IMMP2L: variants seen among roughly 807,000 people sequenced by gnomAD.
IMMP2L encodes inner mitochondrial membrane peptidase subunit 2, also known as mitochondrial inner membrane protease subunit 2.
Under a neutral mutation model 19.3 loss-of-function variants are expected in IMMP2L, and 18 were observed. The observed-to-expected ratio is 0.93, with a 90% CI of 0.64 to 1.38. The LOEUF (loss-of-function observed/expected upper bound fraction) is 1.38, where lower values mean the gene tolerates loss of function less well. Among genes scored for constraint, IMMP2L ranks in the 40% most tolerant of loss-of-function variants. The probability of loss-of-function intolerance (pLI) is 0.00; values close to 1 mark genes in which losing one functional copy is unlikely to be tolerated. For missense variants in IMMP2L, 233 were observed against 218.2 expected, an observed-to-expected ratio of 1.07 and a Z score of -0.43; for synonymous variants, 76 against 73.0, an observed-to-expected ratio of 1.04 and a Z score of -0.21.
chr7:111,504,909 T>C (rs1238374740), intron 2 of IMMP2L, among the ~76,000 whole-genome samples: 1 of 151,944 alleles, frequency 6.6e-6, no homozygotes, highest in Non-Finnish European at 1.5e-5. Flanking sequence ...GACATAGGCA[T>C]GGGCAAGGAC....
At chr7:110,794,025 T>C (rs1311434966) in intron 5 of IMMP2L, among the ~76,000 whole-genome samples, 1 of 152,014 alleles carries the variant, frequency 6.6e-6, no homozygotes, top group Non-Finnish European at 1.5e-5. Context: ...TGTAAAGCAA[T>C]AGGAAGTTTC....
chr7:111,267,417 T>C (rs1035419692), intron 3 of IMMP2L, among the ~76,000 whole-genome samples: 1 of 152,146 alleles, frequency 6.6e-6, no homozygotes, highest in African/African-American at 2.4e-5. Context: ...TGTTTCCCAG[T>C]TGGTCAGTTA....
chr7:111,050,770 A>C (rs2129572844), intron 3 of IMMP2L, among the ~76,000 whole-genome samples: 1 of 152,342 alleles, frequency 6.6e-6, no homozygotes, highest in Middle Eastern at 3.4e-3. Flanking sequence ...ACATCTTTTC[A>C]AAAGTTACGT....
intron 5 of IMMP2L, among the ~76,000 whole-genome samples, chr7:110,855,697 C>T (rs1489722190): frequency 1.3e-5 from 2 of 151,924 alleles, no homozygotes; most frequent in Non-Finnish European, 1.5e-5. Flanking sequence ...CCAAATTTAT[C>T]CCTTCTCTTT....
At chr7:111,198,560 G>A (rs1211415273) in intron 3 of IMMP2L, among the ~76,000 whole-genome samples, 1 of 152,102 alleles carries the variant, frequency 6.6e-6, no homozygotes, top group Non-Finnish European at 1.5e-5. Flanking sequence ...ATCACATGCT[G>A]CAATCAAACT....
chr7:111,102,757 A>T (rs1196538473), intron 3 of IMMP2L, among the ~76,000 whole-genome samples: 1 of 151,582 alleles, frequency 6.6e-6, no homozygotes, highest in Admixed American at 6.6e-5. Context: ...CTACTCTGGG[A>T]CATTCCATCT....
At chr7:110,916,678 CAA>C (rs1203482905) in intron 4 of IMMP2L, among the ~76,000 whole-genome samples, 4 of 152,146 alleles carry the variant, frequency 2.6e-5, no homozygotes, top group Admixed American at 1.3e-4. Flanking sequence ...ATTGTAAGAG[CAA>C]AAATAATGTA....
At chr7:111,335,658 A>G (rs761007559) in intron 3 of IMMP2L, among the ~76,000 whole-genome samples, 1 of 152,154 alleles carries the variant, frequency 6.6e-6, no homozygotes, top group Non-Finnish European at 1.5e-5. Flanking sequence ...AGACTAGGAA[A>G]TACACATATC....
chr7:111,530,131 A>C (rs1179414730), intron 1 of IMMP2L, among the ~76,000 whole-genome samples: 1 of 152,184 alleles, frequency 6.6e-6, no homozygotes, highest in Non-Finnish European at 1.5e-5. Context: ...GTGATTCAAC[A>C]GTGTGGAAAT....
At chr7:110,878,669 T>C (rs532229367) in intron 5 of IMMP2L, among the ~76,000 whole-genome samples, 1 of 152,178 alleles carries the variant, frequency 6.6e-6, no homozygotes, top group South Asian at 2.1e-4. Flanking sequence ...TATAACAACA[T>C]AGTGATTGCT....
intron 1 of IMMP2L, among the ~76,000 whole-genome samples, chr7:111,550,044 T>C (rs1849304731): frequency 2.6e-5 from 4 of 151,814 alleles, no homozygotes; most frequent in Admixed American, 2.0e-4. Flanking sequence ...TAAATAGTTA[T>C]TAATATTTAA....
chr7:110,883,038 T>C (rs548980044), intron 5 of IMMP2L, among the ~76,000 whole-genome samples: 44 of 152,254 alleles, frequency 2.9e-4, no homozygotes, highest in African/African-American at 1.1e-3. Flanking sequence ...AAACATAAAG[T>C]TTACTTTTTC....
chr7:110,996,440 C>A (rs920427401), intron 3 of IMMP2L, among the ~76,000 whole-genome samples: 3 of 152,052 alleles, frequency 2.0e-5, no homozygotes. Flanking sequence ...CAGAACAGCA[C>A]AAGCCATCAT....
rs901790068 is a variant in IMMP2L, at chr7:110,803,575, G to C, written c.408+83018C>G. On this transcript the variant is annotated intron_variant, in intron 5 of 5. Transcript: ENST00000405709. The surrounding 1 kb of genome is among the most constrained non-coding windows in gnomAD (Gnocchi z 4.2). The stretch of plus-strand genomic sequence containing the variant: ...CCACTAGGAGGTCTACCACTGAAAG[G>C]GGCTGGAAGAATGTCTTGGGTTGGG... Among the ~76,000 whole-genome samples the C allele has an allele frequency of 1.3e-5, 2 of 152,032 alleles. No individual in the cohort carries two copies.
At chr7:110,899,747 T>C (rs539092328) in intron 4 of IMMP2L, among the ~76,000 whole-genome samples, 5 of 152,300 alleles carry the variant, frequency 3.3e-5, no homozygotes, top group African/African-American at 1.2e-4. Flanking sequence ...ATGAATTCTC[T>C]GGGCTACAAA....
intron 4 of IMMP2L, chr7:110,963,006 GT>G: frequency 6.7e-7 from 1 of 1,502,824 alleles, no homozygotes; most frequent in Non-Finnish European, 8.8e-7. Flanking sequence ...ACACCTGATT[GT>G]TACAATCTTA....
intron 5 of IMMP2L, among the ~76,000 whole-genome samples, chr7:110,882,014 T>C (rs1281332465): frequency 6.6e-6 from 1 of 152,192 alleles, no homozygotes; most frequent in East Asian, 1.9e-4. Context: ...TTTGCTACAA[T>C]GTGTTGTGAA....
At chr7:111,170,195 A>C (rs59891228) in intron 3 of IMMP2L, among the ~76,000 whole-genome samples, 2,238 of 151,922 alleles carry the variant, frequency 0.015, 71 homozygotes, top group African/African-American at 0.052. Flanking sequence ...ATAAAAGAAT[A>C]TAAGGTCTCT....
chr7:111,263,284 G>C (rs1020742838), intron 3 of IMMP2L, among the ~76,000 whole-genome samples: 1 of 152,084 alleles, frequency 6.6e-6, no homozygotes. Context: ...AAGTTAGTGA[G>C]AAGTACCTGT....
Sources: allele counts gnomAD v4.1 joint callset (sites outside exome capture counted in the v4.1 genomes callset), GRCh38; gene constraint gnomAD v4.1.1; non-coding constraint Gnocchi (gnomAD v3.1); transcripts MANE v1.5; gene names NCBI Gene and HGNC (gene_info 2026-07-23, HGNC 2026-07-21).